The following LCORL variants were observed in gnomAD, a reference collection of about 807,000 sequenced individuals.
LCORL encodes ligand-dependent nuclear receptor corepressor-like protein.
A neutral mutation model predicts 141.8 loss-of-function variants in LCORL; 41 were observed. The observed-to-expected ratio is 0.29, with a 90% CI of 0.23 to 0.38. The LOEUF (loss-of-function observed/expected upper bound fraction) is 0.38. LCORL is among the 10% of genes least tolerant of loss of function. The pLI, the probability that LCORL is intolerant of heterozygous loss-of-function variation, is 1.00. For missense variants in LCORL, 1,759 were observed against 2,035.0 expected (o/e 0.86, Z 2.61); for synonymous variants, 618 against 694.1 (o/e 0.89, Z 1.72).
chr4:17,950,697 T>C (rs1385538238), intron 4 of LCORL, among the ~76,000 whole-genome samples: 1 of 151,972 alleles, frequency 6.6e-6, no homozygotes, highest in Non-Finnish European at 1.5e-5. Flanking sequence ...AAATGGACAG[T>C]AGAAATGTTG....
chr4:17,952,350 GA>G (rs1479753671), intron 4 of LCORL, among the ~76,000 whole-genome samples: 1 of 149,558 alleles, frequency 6.7e-6, no homozygotes, highest in Non-Finnish European at 1.5e-5. Context: ...AAATTATTTA[GA>G]AAAACTCCTA....
At chr4:17,888,097 T>C (rs1728544577) in intron 5 of LCORL, among the ~76,000 whole-genome samples, 1 of 152,104 alleles carries the variant, frequency 6.6e-6, no homozygotes, top group Middle Eastern at 3.2e-3. Flanking sequence ...GACTATAAGC[T>C]ATGTGAAGGC....
intron 1 of LCORL, among the ~76,000 whole-genome samples, chr4:17,983,778 A>C (rs1718441907): frequency 6.6e-6 from 1 of 151,928 alleles, no homozygotes; most frequent in Non-Finnish European, 1.5e-5. Flanking sequence ...TTGTCTGACT[A>C]CTCCGGCCAG....
At chr4:17,882,900 ATTAGC>A (rs1577320470) in intron 6 of LCORL, 2 of 961,262 alleles carry the variant, frequency 2.1e-6, no homozygotes, top group Non-Finnish European at 2.5e-6. Context: ...AACCTTACAC[ATTAGC>A]TTATTTTTCA....
intron 1 of LCORL, among the ~76,000 whole-genome samples, chr4:17,994,951 T>C (rs1720674940): frequency 6.7e-6 from 1 of 149,170 alleles, no homozygotes; most frequent in Admixed American, 6.7e-5. Context: ...TGAGGGAAAA[T>C]GTCACTCTGA....
chr4:18,000,312 T>A (rs1433741238), intron 1 of LCORL, among the ~76,000 whole-genome samples: 2 of 152,088 alleles, frequency 1.3e-5, no homozygotes, highest in African/African-American at 4.8e-5. Context: ...AAAAATAGCA[T>A]AAATGCTTAT....
At chr4:18,013,279 T>TA (rs1354605644) in intron 1 of LCORL, among the ~76,000 whole-genome samples, 2 of 152,230 alleles carry the variant, frequency 1.3e-5, no homozygotes, top group African/African-American at 4.8e-5. Context: ...TAAGGTGTGG[T>TA]ACTGAGTCAC....
intron 1 of LCORL, among the ~76,000 whole-genome samples, chr4:17,986,569 T>C (rs1166142698): frequency 6.6e-6 from 1 of 152,184 alleles, no homozygotes; most frequent in Non-Finnish European, 1.5e-5. Context: ...TATGATTGCA[T>C]TGTGATATTC....
chr4:17,873,945 T>C (rs1040731272), exon 7 of LCORL: 4 of 1,234,020 alleles, frequency 3.2e-6, no homozygotes, highest in Non-Finnish European at 4.0e-6. Flanking sequence ...AAAACTAGCA[T>C]GTATTTTGAA....
At chr4:17,926,485 C>T (rs1226597092) in intron 4 of LCORL, among the ~76,000 whole-genome samples, 2 of 152,228 alleles carry the variant, frequency 1.3e-5, no homozygotes, top group Non-Finnish European at 2.9e-5. Flanking sequence ...TGGACCTACA[C>T]CAATGGTTTG....
intron 1 of LCORL, among the ~76,000 whole-genome samples, chr4:17,992,684 A>G (rs751846898): frequency 1.3e-5 from 2 of 152,206 alleles, no homozygotes; most frequent in Admixed American, 6.5e-5. Flanking sequence ...TTTGACCTCC[A>G]TAACAAACAG....
intron 5 of LCORL, among the ~76,000 whole-genome samples, chr4:17,891,966 G>A (rs915039537): frequency 3.9e-5 from 6 of 151,928 alleles, no homozygotes; most frequent in African/African-American, 1.2e-4. Context: ...AAAAAAATCC[G>A]TAAACTTAAT....
intron 1 of LCORL, among the ~76,000 whole-genome samples, chr4:18,008,528 A>G: frequency 6.6e-6 from 1 of 152,238 alleles, no homozygotes; most frequent in East Asian, 1.9e-4. Context: ...ATAGTGGTTA[A>G]GACTGGATGT....
exon 7 of LCORL, chr4:17,874,270 G>C: frequency 8.1e-7 from 1 of 1,233,866 alleles, no homozygotes; most frequent in Non-Finnish European, 1.0e-6. Context: ...ACTTTATGCA[G>C]TATATGCAAT....
intron 5 of LCORL, among the ~76,000 whole-genome samples, chr4:17,907,609 T>G (rs1184431889): frequency 6.6e-6 from 1 of 152,276 alleles, no homozygotes; most frequent in East Asian, 1.9e-4. Context: ...GTACTGATAT[T>G]TTTTTCCTTA....
chr4:17,877,376 T>C, exon 7 of LCORL: 2 of 1,230,466 alleles, frequency 1.6e-6, no homozygotes, highest in Non-Finnish European at 2.0e-6. Flanking sequence ...TTGATTTTAG[T>C]TTTTCATTAA....
intron 5 of LCORL, 39 bp from the exon 6 acceptor site, chr4:17,886,200 C>T: frequency 2.1e-6 from 2 of 950,790 alleles, no homozygotes; most frequent in Non-Finnish European, 1.7e-6. Flanking sequence ...ATATTTGCAA[C>T]AGATAGGCAA....
chr4:17,849,425 T>G (rs1723357296), intron 7 of LCORL, among the ~76,000 whole-genome samples: 1 of 152,100 alleles, frequency 6.6e-6, no homozygotes, highest in African/African-American at 2.4e-5. Context: ...GGGTCTGGAG[T>G]GGACCTCTAG....
intron 4 of LCORL, among the ~76,000 whole-genome samples, chr4:17,936,876 T>C (rs976164686): frequency 1.3e-5 from 2 of 152,170 alleles, no homozygotes; most frequent in African/African-American, 4.8e-5. Context: ...CACAGAATAT[T>C]GCAGGAAGTT....
Sources: gnomAD v4.1 joint callset for allele counts (sites outside exome capture counted in the v4.1 genomes callset) on GRCh38, gnomAD v4.1.1 for gene constraint, MANE v1.5 for transcripts, NCBI Gene and HGNC (gene_info 2026-07-23, HGNC 2026-07-21) for gene names.